The following DCAF8L2 variants were observed in gnomAD, a reference collection of about 807,000 sequenced individuals.
The protein encoded by DCAF8L2 is DDB1- and CUL4-associated factor 8-like protein 2.
For missense variants in DCAF8L2, 430 were observed against 490.7 expected (o/e 0.88, Z 1.17); for synonymous variants, 200 against 190.9 (o/e 1.05, Z -0.39).
Position 27,748,467 on chromosome X carries a change from C to T in DCAF8L2, c.1572C>T (p.Tyr524=), listed in dbSNP as rs1922393031. 1 of 1,207,732 alleles carries T rather than the reference C, an allele frequency of 8.3e-7. No homozygotes were observed. The highest frequency in any genetic ancestry group is 1.8e-5 in the South Asian group (1 of 56,468). ...GTINCLEPHP[Y]LPVLACSGLD... is the part of the protein sequence containing the mutation. ...TAAACTGTCTTGAACCCCACCCTTA[C>T]CTACCTGTGTTGGCGTGCAGTGGCC... Residue 524 remains tyrosine (Y), a synonymous_variant, in exon 5 of 5, where the codon TAC becomes TAT. Transcript: ENST00000451261.
At chrX:27,544,533 A>G in the DCAF8L2 span, among the ~76,000 whole-genome samples, 1 of 112,029 alleles carries the variant, frequency 8.9e-6, no homozygotes, top group South Asian at 3.7e-4. Context: ...ACACTGTATG[A>G]ACTCAATAAA....
chrX:27,606,724 T>C (rs753287620), intron 1 of DCAF8L2, among the ~76,000 whole-genome samples: 1 of 110,608 alleles, frequency 9.0e-6, no homozygotes, highest in Non-Finnish European at 1.9e-5. Context: ...ACTTTCTTCC[T>C]TAAATTTTGG....
intron 1 of DCAF8L2, among the ~76,000 whole-genome samples, chrX:27,615,714 A>G (rs960695635): frequency 1.8e-5 from 2 of 111,389 alleles, no homozygotes; most frequent in African/African-American, 6.5e-5. Flanking sequence ...AGCTTTTTCT[A>G]ATTAACTCTG....
intron 4 of DCAF8L2, among the ~76,000 whole-genome samples, chrX:27,718,206 C>A (rs750826042): frequency 9.0e-6 from 1 of 111,437 alleles, no homozygotes; most frequent in African/African-American, 3.3e-5. Flanking sequence ...CCCAGGTAAC[C>A]ACTGATCAGC....
intron 3 of DCAF8L2, among the ~76,000 whole-genome samples, chrX:27,705,540 A>G (rs1189516063): frequency 1.1e-5 from 1 of 88,826 alleles, no homozygotes; most frequent in Non-Finnish European, 2.2e-5. Flanking sequence ...TGCTTTAATG[A>G]TCAGTGATGC....
chrX:27,696,487 T>C (rs1345777762), intron 3 of DCAF8L2, among the ~76,000 whole-genome samples: 1 of 111,422 alleles, frequency 9.0e-6, no homozygotes, highest in Non-Finnish European at 1.9e-5. Context: ...AGCATTTAGA[T>C]TTGATACCTG....
the DCAF8L2 span, among the ~76,000 whole-genome samples, chrX:27,476,329 G>A: frequency 9.0e-6 from 1 of 111,316 alleles, no homozygotes; most frequent in African/African-American, 3.3e-5. Context: ...TGCAATGTTA[G>A]CAGTAAGGAT....
At chrX:27,600,189 A>G (rs1569156170) in intron 1 of DCAF8L2, among the ~76,000 whole-genome samples, 1 of 112,172 alleles carries the variant, frequency 8.9e-6, no homozygotes, top group East Asian at 2.8e-4. Context: ...TTTGTACATC[A>G]TTGTGTCGAT....
intron 1 of DCAF8L2, among the ~76,000 whole-genome samples, chrX:27,605,748 A>G (rs1326171757): frequency 1.8e-5 from 2 of 111,893 alleles, no homozygotes; most frequent in Non-Finnish European, 3.8e-5. Flanking sequence ...AGAGCGACAT[A>G]CCTGACTTCT....
the DCAF8L2 span, among the ~76,000 whole-genome samples, chrX:27,487,983 T>C: frequency 8.9e-6 from 1 of 112,440 alleles, no homozygotes; most frequent in Non-Finnish European, 1.9e-5. Flanking sequence ...AAACTTCAGG[T>C]ACAAGTCTTT....
At chrX:27,532,244 G>A in the DCAF8L2 span, among the ~76,000 whole-genome samples, 2 of 110,713 alleles carry the variant, frequency 1.8e-5, no homozygotes, top group Non-Finnish European at 3.8e-5. Context: ...ATGGCAGATT[G>A]CAGGGCTGGA....
chrX:27,703,760 C>T (rs1931217906), intron 3 of DCAF8L2, among the ~76,000 whole-genome samples: 1 of 110,324 alleles, frequency 9.1e-6, no homozygotes, highest in Admixed American at 9.7e-5. Flanking sequence ...ACAGTTAAAA[C>T]AATAACAGCC....
intron 2 of DCAF8L2, among the ~76,000 whole-genome samples, chrX:27,661,958 C>T (rs1929574701): frequency 9.0e-6 from 1 of 111,169 alleles, no homozygotes; most frequent in African/African-American, 3.3e-5. Context: ...GTTTTTTTAG[C>T]TAAGACAATT....
chrX:27,490,711 C>T, the DCAF8L2 span, among the ~76,000 whole-genome samples: 3 of 111,251 alleles, frequency 2.7e-5, no homozygotes, highest in Non-Finnish European at 5.6e-5. Flanking sequence ...CCGCCCACCT[C>T]GGCTTCTCAA....
intron 1 of DCAF8L2, among the ~76,000 whole-genome samples, chrX:27,608,184 C>G (rs1926995995): frequency 9.0e-6 from 1 of 111,271 alleles, no homozygotes; most frequent in South Asian, 3.7e-4. Context: ...ATTTTCGAAG[C>G]AATTCTAATT....
At chrX:27,487,970 A>G in the DCAF8L2 span, among the ~76,000 whole-genome samples, 1 of 112,435 alleles carries the variant, frequency 8.9e-6, no homozygotes, top group Admixed American at 9.5e-5. Context: ...TAAAGCTGCT[A>G]TAAAACTTCA....
At chrX:27,727,355 C>T (rs1169318351) in intron 4 of DCAF8L2, among the ~76,000 whole-genome samples, 2 of 110,583 alleles carry the variant, frequency 1.8e-5, no homozygotes, top group African/African-American at 3.3e-5. Flanking sequence ...TAAAATAATC[C>T]GATATGTCAA....
At chrX:27,736,223 T>C (rs759233833) in intron 4 of DCAF8L2, among the ~76,000 whole-genome samples, 1 of 111,481 alleles carries the variant, frequency 9.0e-6, no homozygotes, top group South Asian at 3.8e-4. Flanking sequence ...TTCATAGCCC[T>C]TATCTATCAA....
chrX:27,656,488 T>A, intron 2 of DCAF8L2, among the ~76,000 whole-genome samples: 1 of 111,658 alleles, frequency 9.0e-6, no homozygotes, highest in Non-Finnish European at 1.9e-5. Flanking sequence ...CAATTTTTGC[T>A]GCATAAAAAA....
Sources: gnomAD v4.1 joint callset for allele counts (sites outside exome capture counted in the v4.1 genomes callset) on GRCh38, gnomAD v4.1.1 for gene constraint, MANE v1.5 for transcripts, NCBI Gene and HGNC (gene_info 2026-07-23, HGNC 2026-07-21) for gene names.